Variants in BMPR1B observed in about 807,000 individuals in gnomAD.
The protein encoded by BMPR1B is bone morphogenetic protein receptor type-1B.
A neutral mutation model predicts 59.1 loss-of-function variants in BMPR1B; 12 were observed. That is an observed-to-expected ratio of 0.20 (90% CI 0.13 to 0.33). The LOEUF is 0.33. BMPR1B is among the 10% of genes least tolerant of loss of function. BMPR1B has a pLI of 1.00. For synonymous variants in BMPR1B, 237 were observed against 207.3 expected, an observed-to-expected ratio of 1.14 and a Z score of -1.23; for missense variants, 550 against 610.9, an observed-to-expected ratio of 0.90 and a Z score of 1.05.
intron 1 of BMPR1B, among the ~76,000 whole-genome samples, chr4:94,874,910 G>A (rs975622058): frequency 1.2e-4 from 18 of 152,176 alleles, no homozygotes; most frequent in Middle Eastern, 3.4e-3. Context: ...GGAGAATGGC[G>A]TGAACCCGGG....
intron 1 of BMPR1B, among the ~76,000 whole-genome samples, chr4:94,782,114 G>T (rs1481203763): frequency 3.3e-5 from 5 of 150,238 alleles, no homozygotes; most frequent in Non-Finnish European, 3.0e-5. Context: ...CTTTTTGGTA[G>T]CCCCCTTACA....
intron 10 of BMPR1B, among the ~76,000 whole-genome samples, chr4:95,138,341 T>G (rs1289363070): frequency 3.3e-5 from 5 of 152,148 alleles, no homozygotes; most frequent in Admixed American, 1.3e-4. Context: ...CCCTTAACAT[T>G]TTTTCCTTCA....
intron 1 of BMPR1B, among the ~76,000 whole-genome samples, chr4:94,827,115 G>A (rs1467249214): frequency 6.6e-6 from 1 of 151,972 alleles, no homozygotes; most frequent in Non-Finnish European, 1.5e-5. Context: ...TGTAATAAGC[G>A]TTCCCTTTTC....
chr4:94,776,176 T>G (rs1311251846), intron 1 of BMPR1B, among the ~76,000 whole-genome samples: 1 of 152,136 alleles, frequency 6.6e-6, no homozygotes, highest in African/African-American at 2.4e-5. Context: ...TGTTGTTGTT[T>G]CCTCACTATT....
chr4:95,147,811 C>T (rs941543569), intron 10 of BMPR1B, among the ~76,000 whole-genome samples: 11 of 152,040 alleles, frequency 7.2e-5, no homozygotes, highest in African/African-American at 2.7e-4. Flanking sequence ...AGGGCTTGTA[C>T]ATGTCATCTC....
intron 3 of BMPR1B, among the ~76,000 whole-genome samples, chr4:95,061,760 A>G (rs1392986319): frequency 6.6e-6 from 1 of 152,180 alleles, no homozygotes; most frequent in Non-Finnish European, 1.5e-5. Context: ...TTTAGGCTGT[A>G]TGTTTAGAAA....
chr4:94,875,948 C>T lies in BMPR1B; in HGVS notation c.-113+48C>T, dbSNP rs376525202. 5.0e-4 allele frequency: 77 copies of T among 152,648 alleles called. 1 individual carries two copies. The highest frequency in any genetic ancestry group is 1.8e-3 in the African/African-American group (73 of 41,536). 9.5% of individuals were successfully genotyped at this position (152,648 alleles called of 1,614,324 possible). On this transcript the variant is annotated intron_variant, in intron 2 of 12. Coordinates refer to ENST00000515059, the MANE Select transcript of BMPR1B (RefSeq NM_001203.3). ...ATAATTTGAGATGTTTGGTAGGCAT[C>T]GTTACTGCTTTTTGACACTCCGACT...
At chr4:95,052,552 A>AT (rs1553931700) in intron 3 of BMPR1B, among the ~76,000 whole-genome samples, 4 of 152,154 alleles carry the variant, frequency 2.6e-5, no homozygotes, top group Non-Finnish European at 1.5e-5. Flanking sequence ...TGAGATTGAA[A>AT]TGTATTTAAA....
At chr4:95,106,746 G>C (rs1397192086) in intron 4 of BMPR1B, among the ~76,000 whole-genome samples, 1 of 151,968 alleles carries the variant, frequency 6.6e-6, no homozygotes, top group Non-Finnish European at 1.5e-5. Flanking sequence ...AATGTGCATA[G>C]CATTAGTCAC....
chr4:95,091,711 A>G (rs1730003229), intron 3 of BMPR1B: 1 of 937,348 alleles, frequency 1.1e-6, no homozygotes, highest in Non-Finnish European at 1.3e-6. Flanking sequence ...AGTAAAGCCA[A>G]TTCTGGCACA....
chr4:94,993,138 G>T (rs1721852256), intron 2 of BMPR1B, among the ~76,000 whole-genome samples: 1 of 152,100 alleles, frequency 6.6e-6, no homozygotes, highest in South Asian at 2.1e-4. Flanking sequence ...AAATCCTTCT[G>T]CCTTGGCTTC....
At chr4:94,926,623 A>G (rs904353664) in intron 2 of BMPR1B, among the ~76,000 whole-genome samples, 1 of 152,106 alleles carries the variant, frequency 6.6e-6, no homozygotes, top group Non-Finnish European at 1.5e-5. Flanking sequence ...GCTGAGTTTC[A>G]TGAGTTATTT....
Position 95,078,093 on chromosome 4 carries a change from G to C in BMPR1B, c.-17-26315G>C, listed in dbSNP as rs140702766. 4.2e-3 allele frequency among the ~76,000 whole-genome samples: 634 copies of C among 152,292 alleles called. 6 individuals are homozygous for C. Among genetic ancestry groups the C allele is most frequent in the African/African-American group, 0.015 (619 of 41,574 alleles). ...GTGATACAGATACTTAGCAGTACCA[G>C]CAGGAACCATGACTATGGAATTTCC... On this transcript the variant is annotated intron_variant, in intron 3 of 12. Coordinates refer to ENST00000515059, the MANE Select transcript of BMPR1B (RefSeq NM_001203.3).
rs1174848376 is a variant in BMPR1B at position 95,104,433 on chromosome 4, G to A, written c.9G>A (p.Leu3=). The part of the protein sequence containing the change: ML[L]RSAGKLNVGT... ...CAAACTTCCTTGATAACATGCTTTT[G>A]CGAAGTGCAGGAAAATTAAATGTGG... The change falls in exon 4 of 13, where the codon TTG becomes TTA. Residue 3 remains leucine, a synonymous_variant. Transcript: ENST00000515059. 1 of 1,613,100 alleles carries A rather than the reference G, an allele frequency of 6.2e-7. No homozygotes were observed. The highest frequency in any genetic ancestry group is 1.7e-5 in the Admixed American group (1 of 59,828).
At chr4:95,089,329 G>T (rs556486524) in intron 3 of BMPR1B, among the ~76,000 whole-genome samples, 16 of 152,002 alleles carry the variant, frequency 1.1e-4, no homozygotes, top group African/African-American at 3.9e-4. Flanking sequence ...TTTTTTTGGC[G>T]GTGGTTTGTT....
chr4:95,063,872 T>C (rs894258901), intron 3 of BMPR1B, among the ~76,000 whole-genome samples: 8 of 151,652 alleles, frequency 5.3e-5, no homozygotes, highest in Admixed American at 5.3e-4. Context: ...CATAGAGGAG[T>C]AATATGGAAA....
chr4:94,846,952 C>T (rs1307960814), intron 1 of BMPR1B, among the ~76,000 whole-genome samples: 1 of 151,948 alleles, frequency 6.6e-6, no homozygotes, highest in Non-Finnish European at 1.5e-5. Context: ...GGACAAATGG[C>T]ATTATATCAA....
intron 1 of BMPR1B, among the ~76,000 whole-genome samples, chr4:94,829,306 T>G (rs944906933): frequency 2.7e-5 from 4 of 150,908 alleles, no homozygotes; most frequent in African/African-American, 9.8e-5. Context: ...AGGAAATTCT[T>G]TCAACAATGA....
At chr4:94,841,366 TGCC>T (rs1725064082) in intron 1 of BMPR1B, among the ~76,000 whole-genome samples, 1 of 150,220 alleles carries the variant, frequency 6.7e-6, no homozygotes, top group South Asian at 2.1e-4. Flanking sequence ...CCAGCCTCGC[TGCC>T]GCCTTGCAGT....
Sources: allele counts gnomAD v4.1 joint callset (sites outside exome capture counted in the v4.1 genomes callset), GRCh38; gene constraint gnomAD v4.1.1; transcripts MANE v1.5; gene names NCBI Gene and HGNC (gene_info 2026-07-23, HGNC 2026-07-21).